FGD3: variants seen among roughly 807,000 people sequenced by gnomAD.
FGD3 encodes the protein FYVE, RhoGEF and PH domain-containing protein 3.
Under a neutral mutation model 71.8 loss-of-function variants are expected in FGD3, and 45 were observed. That is an observed-to-expected ratio of 0.63 (90% CI 0.49 to 0.80). The LOEUF is 0.80. Ranked by LOEUF, FGD3 falls within the 30% of genes least tolerant of loss-of-function variation. FGD3 has a pLI of 0.00. For missense variants in FGD3, 844 were observed against 951.5 expected (o/e 0.89, Z 1.49); for synonymous variants, 378 against 392.8 (o/e 0.96, Z 0.44).
At chr9:93,015,903 G>A in intron 10 of FGD3, 74 bp downstream of exon 10, 1 of 1,328,784 alleles carries the variant, frequency 7.5e-7, no homozygotes. Context: ...ACCAGGCTCT[G>A]GCCGCTGAGG....
At chr9:92,972,772 C>T (rs959290609) in intron 1 of FGD3, among the ~76,000 whole-genome samples, 6 of 151,700 alleles carry the variant, frequency 4.0e-5, no homozygotes, top group African/African-American at 1.5e-4. Flanking sequence ...CACTGTTGCT[C>T]AGTTTCTCTG....
At chr9:92,983,627 AAC>A (rs1165831847) in intron 3 of FGD3, among the ~76,000 whole-genome samples, 1 of 152,228 alleles carries the variant, frequency 6.6e-6, no homozygotes, top group South Asian at 2.1e-4. Context: ...ATGTACCAAT[AAC>A]ACATTTATAA....
At chr9:93,002,401 T>C (rs1860888372) in intron 3 of FGD3, among the ~76,000 whole-genome samples, 1 of 152,082 alleles carries the variant, frequency 6.6e-6, no homozygotes, top group Non-Finnish European at 1.5e-5. Flanking sequence ...CTGGGCAACA[T>C]GGCAAAACCT....
chr9:93,009,053 A>G (rs927677634), intron 6 of FGD3, among the ~76,000 whole-genome samples: 1 of 152,088 alleles, frequency 6.6e-6, no homozygotes, highest in Non-Finnish European at 1.5e-5. Flanking sequence ...TCACAAGGTC[A>G]GGAGTTCGAG....
intron 6 of FGD3, among the ~76,000 whole-genome samples, chr9:93,009,219 C>T (rs1334866481): frequency 4.0e-5 from 6 of 151,846 alleles, no homozygotes; most frequent in African/African-American, 9.7e-5. Flanking sequence ...GCCGAGATCG[C>T]GCCATTGCAC....
chr9:92,971,419 ACCT>A (rs1859521372), intron 1 of FGD3, among the ~76,000 whole-genome samples: 1 of 150,910 alleles, frequency 6.6e-6, no homozygotes, highest in Non-Finnish European at 1.5e-5. Context: ...GCAACCACAC[ACCT>A]CCTCACCTCT....
chr9:93,027,397 C>T (rs1032676128), intron 14 of FGD3, among the ~76,000 whole-genome samples: 10 of 152,168 alleles, frequency 6.6e-5, no homozygotes, highest in African/African-American at 2.4e-4. Context: ...CTCACCTTGG[C>T]TTGGAGATGT....
chr9:93,018,073 C>T, intron 10 of FGD3, 63 bp from the exon 11 acceptor site: 3 of 1,484,606 alleles, frequency 2.0e-6, no homozygotes, highest in Non-Finnish European at 2.8e-6. Flanking sequence ...AGTCAGAAAA[C>T]ATGAGGCTGG....
At chr9:93,019,037 C>T (rs1004346705) in intron 11 of FGD3, among the ~76,000 whole-genome samples, 19 of 152,060 alleles carry the variant, frequency 1.2e-4, no homozygotes, top group African/African-American at 3.6e-4. Flanking sequence ...GAAAACCCAA[C>T]GGGGTTTCAC....
intron 15 of FGD3, among the ~76,000 whole-genome samples, chr9:93,031,108 A>G (rs2118839466): frequency 6.6e-6 from 1 of 152,026 alleles, no homozygotes; most frequent in African/African-American, 2.4e-5. Flanking sequence ...TGATGGATGG[A>G]TGGATGATGG....
chr9:93,004,673 G>A (rs1860985547), intron 5 of FGD3, among the ~76,000 whole-genome samples: 2 of 152,058 alleles, frequency 1.3e-5, no homozygotes, highest in South Asian at 2.1e-4. Flanking sequence ...CCCACGTTGC[G>A]TGTTGCGTTT....
chr9:93,010,533 G>GACA (rs55725222), intron 7 of FGD3, 149 bp downstream of exon 7: 31 of 840,296 alleles, frequency 3.7e-5, no homozygotes, highest in Non-Finnish European at 3.4e-6. Context: ...CAGAGACAGA[G>GACA]GCAGGGGAGG....
chr9:93,022,519 C>T (rs1270842917), intron 14 of FGD3, 130 bp downstream of exon 14: 3 of 896,798 alleles, frequency 3.3e-6, no homozygotes, highest in Non-Finnish European at 5.1e-6. Flanking sequence ...GCTGAGGGGC[C>T]AGTCTGCCCT....
chr9:92,982,100 T>C (rs1564149463), intron 3 of FGD3, among the ~76,000 whole-genome samples: 1 of 152,196 alleles, frequency 6.6e-6, no homozygotes, highest in East Asian at 1.9e-4. Flanking sequence ...CTATCTGCAA[T>C]TTTATATCCT....
At chr9:92,950,074 C>T (rs1587805965) in intron 1 of FGD3, among the ~76,000 whole-genome samples, 1 of 151,206 alleles carries the variant, frequency 6.6e-6, no homozygotes, top group South Asian at 2.1e-4. Flanking sequence ...CATCTGTTCA[C>T]CTGTTATTCC....
intron 3 of FGD3, among the ~76,000 whole-genome samples, chr9:92,986,321 G>A (rs1254569823): frequency 6.6e-6 from 1 of 152,152 alleles, no homozygotes; most frequent in Non-Finnish European, 1.5e-5. Flanking sequence ...TGTTCTTTAA[G>A]TAGATGAGAA....
At chr9:93,014,362 G>A (rs938035242) in intron 9 of FGD3, among the ~76,000 whole-genome samples, 2 of 152,116 alleles carry the variant, frequency 1.3e-5, no homozygotes, top group Non-Finnish European at 2.9e-5. Context: ...CTATTCCTGA[G>A]CCAAACCCTG....
chr9:93,031,432 C>A (rs150994547), intron 15 of FGD3, among the ~76,000 whole-genome samples: 82 of 152,340 alleles, frequency 5.4e-4, no homozygotes, highest in African/African-American at 1.9e-3. Context: ...GCAGAGGTGG[C>A]TCGGTGCCCT....
At chr9:92,964,389 C>T (rs1272305948) in intron 1 of FGD3, 1 of 152,216 alleles carries the variant, frequency 6.6e-6, no homozygotes, top group Non-Finnish European at 1.5e-5. Flanking sequence ...TGGCCGAGCC[C>T]TGAGATCCTA....
Sources: gnomAD v4.1 joint callset for allele counts (sites outside exome capture counted in the v4.1 genomes callset) on GRCh38, gnomAD v4.1.1 for gene constraint, MANE v1.5 for transcripts, NCBI Gene and HGNC (gene_info 2026-07-23, HGNC 2026-07-21) for gene names.